The following CDKAL1 variants were observed in gnomAD, a reference collection of about 807,000 sequenced individuals.
CDKAL1 encodes threonylcarbamoyladenosine tRNA methylthiotransferase.
A neutral mutation model predicts 68.2 loss-of-function variants in CDKAL1; 32 were observed. The ratio of observed to expected loss-of-function variants is 0.47; its 90% CI spans 0.35 to 0.63. The LOEUF is 0.63. Ranked by LOEUF, CDKAL1 falls within the 30% of genes least tolerant of loss-of-function variation. The pLI, the probability that CDKAL1 is intolerant of heterozygous loss-of-function variation, is 0.00. For missense variants in CDKAL1, 606 were observed against 696.7 expected, an observed-to-expected ratio of 0.87 and a Z score of 1.47; for synonymous variants, 234 against 244.3, an observed-to-expected ratio of 0.96 and a Z score of 0.39.
intron 9 of CDKAL1, among the ~76,000 whole-genome samples, chr6:20,952,303 CA>C (rs147283102): frequency 0.018 from 2,736 of 152,132 alleles, 80 homozygotes; most frequent in African/African-American, 0.062. Context: ...ATATACTTAC[CA>C]AATTCCAAGT....
chr6:21,144,759 T>C (rs1401112988), intron 13 of CDKAL1, among the ~76,000 whole-genome samples: 4 of 152,038 alleles, frequency 2.6e-5, no homozygotes, highest in Non-Finnish European at 4.4e-5. Flanking sequence ...ATGATCATTA[T>C]GCCTTTGCAC....
chr6:21,031,561 A>G (rs972014091), intron 11 of CDKAL1, among the ~76,000 whole-genome samples: 1 of 151,694 alleles, frequency 6.6e-6, no homozygotes, highest in Non-Finnish European at 1.5e-5. Flanking sequence ...TGCCTACCAC[A>G]CACTGGTTTA....
Position 21,201,245 on chromosome 6 carries a change from G to A in CDKAL1, c.1519G>A (p.Ala507Thr), listed in dbSNP as rs370612680. The A allele has an allele frequency of 9.9e-6, 16 of 1,611,092 alleles. No homozygotes were observed. In the African/African-American group the frequency reaches 1.7e-4, roughly 17 times the overall value. Residue 507 changes from alanine to threonine, a missense_variant, in exon 15 of 16, where the codon GCA (alanine) becomes ACA (threonine). By Grantham distance (58) the Ala-to-Thr change is moderately conservative. Transcript: ENST00000274695. Reference protein sequence around the residue: ...VYTPSISKPLAKGEVSGLTKD... With the variant: ...VYTPSISKPLTKGEVSGLTKD... ...CACGCCCTCCATCAGCAAACCGCTA[G>A]CAAAGGGAGAAGTCTCGGGTTTGAC...
At chr6:21,227,704 A>G (rs1779804386) in intron 15 of CDKAL1, among the ~76,000 whole-genome samples, 1 of 152,204 alleles carries the variant, frequency 6.6e-6, no homozygotes, top group South Asian at 2.1e-4. Flanking sequence ...TTTATGAATC[A>G]GTTATGTTCA....
intron 10 of CDKAL1, among the ~76,000 whole-genome samples, chr6:20,988,805 A>G (rs1039063900): frequency 1.2e-4 from 17 of 138,156 alleles, no homozygotes; most frequent in African/African-American, 4.3e-4. Flanking sequence ...ACGCACCACC[A>G]CTCCCAGTTA....
rs374861087 is a variant in CDKAL1, at chr6:20,992,803, G to A, written c.910-7424G>A. 1.6e-3 allele frequency among the ~76,000 whole-genome samples: 241 copies of A among 151,948 alleles called. 7 individuals carry two copies. In the South Asian group the frequency reaches 0.048, roughly 30 times the overall value. ...TGTCATCCCATCTACTCGAGAGGCTGAGGTGGGAGGATCACTTGAGGTGAG... is the reference window on the plus strand; with the variant it reads ...TGTCATCCCATCTACTCGAGAGGCTAAGGTGGGAGGATCACTTGAGGTGAG... On this transcript the variant is annotated intron_variant, in intron 10 of 15. Coordinates refer to ENST00000274695, the MANE Select transcript of CDKAL1 (RefSeq NM_017774.3).
intron 9 of CDKAL1, among the ~76,000 whole-genome samples, chr6:20,910,987 C>G (rs1032494525): frequency 1.2e-4 from 18 of 152,208 alleles, no homozygotes; most frequent in African/African-American, 4.3e-4. Flanking sequence ...GAATGAAACA[C>G]CCGTGGGCTT....
chr6:20,917,023 C>G (rs902299369), intron 9 of CDKAL1, among the ~76,000 whole-genome samples: 1 of 152,132 alleles, frequency 6.6e-6, no homozygotes, highest in Non-Finnish European at 1.5e-5. Flanking sequence ...TCTTGTTGCC[C>G]AGGCTGAAGT....
At chr6:20,973,167 A>G (rs1765675845) in intron 10 of CDKAL1, among the ~76,000 whole-genome samples, 1 of 152,140 alleles carries the variant, frequency 6.6e-6, no homozygotes, top group Admixed American at 6.5e-5. Flanking sequence ...TGATATATGT[A>G]GAATGCTTAG....
At chr6:21,172,359 T>A (rs968939396) in intron 13 of CDKAL1, among the ~76,000 whole-genome samples, 3 of 152,236 alleles carry the variant, frequency 2.0e-5, no homozygotes, top group Non-Finnish European at 4.4e-5. Context: ...GTCATAGTCA[T>A]GCTGCCTTCC....
intron 12 of CDKAL1, among the ~76,000 whole-genome samples, chr6:21,098,977 T>C (rs549078023): frequency 1.1e-4 from 16 of 152,264 alleles, no homozygotes; most frequent in African/African-American, 3.6e-4. Context: ...GTGCCATTAG[T>C]TGACCATGCA....
At chr6:20,787,695 G>C (rs1775733483) in intron 8 of CDKAL1, among the ~76,000 whole-genome samples, 1 of 152,176 alleles carries the variant, frequency 6.6e-6, no homozygotes, top group South Asian at 2.1e-4. Context: ...GAGTGTGTCA[G>C]GGACCAAGCC....
intron 9 of CDKAL1, among the ~76,000 whole-genome samples, chr6:20,858,877 T>G (rs780207560): frequency 2.0e-5 from 3 of 152,168 alleles, no homozygotes; most frequent in Non-Finnish European, 4.4e-5. Flanking sequence ...GGAGAAATTA[T>G]GCCAAAATGT....
intron 13 of CDKAL1, among the ~76,000 whole-genome samples, chr6:21,158,343 G>A (rs1048174420): frequency 4.6e-5 from 7 of 152,182 alleles, no homozygotes; most frequent in African/African-American, 1.7e-4. Flanking sequence ...TGCTCAAACT[G>A]TTGTTTATTA....
chr6:20,627,159 G>A (rs949227474), intron 4 of CDKAL1, among the ~76,000 whole-genome samples: 2 of 152,158 alleles, frequency 1.3e-5, no homozygotes, highest in Non-Finnish European at 2.9e-5. Context: ...AGTCCAGAAT[G>A]TCTGCTTGAT....
intron 11 of CDKAL1, among the ~76,000 whole-genome samples, chr6:21,036,919 A>G (rs112729562): frequency 1.6e-4 from 25 of 152,326 alleles, no homozygotes; most frequent in African/African-American, 6.0e-4. Context: ...GTCTTCAACT[A>G]AGTAAGTATA....
At chr6:20,632,115 A>G (rs1385216324) in intron 4 of CDKAL1, among the ~76,000 whole-genome samples, 2 of 152,224 alleles carry the variant, frequency 1.3e-5, no homozygotes, top group African/African-American at 2.4e-5. Context: ...GTGAAAATTC[A>G]TATGTTGGAA....
intron 12 of CDKAL1, among the ~76,000 whole-genome samples, chr6:21,077,347 G>A (rs114480482): frequency 7.2e-5 from 11 of 152,146 alleles, no homozygotes; most frequent in African/African-American, 1.4e-4. Context: ...GACCTAATAT[G>A]GTAGGCAGAG....
intron 9 of CDKAL1, among the ~76,000 whole-genome samples, chr6:20,875,499 C>G (rs886461138): frequency 6.6e-6 from 1 of 151,922 alleles, no homozygotes; most frequent in Admixed American, 6.6e-5. Flanking sequence ...TCAGTATGTA[C>G]AGTTATAATA....
Sources: gnomAD v4.1 joint callset for allele counts (sites outside exome capture counted in the v4.1 genomes callset) on GRCh38, gnomAD v4.1.1 for gene constraint, MANE v1.5 for transcripts, NCBI Gene and HGNC (gene_info 2026-07-23, HGNC 2026-07-21) for gene names.